The following ITPK1 variants were observed in gnomAD, a reference collection of about 807,000 sequenced individuals.
ITPK1 encodes inositol 1,3,4-trisphosphate 5/6-kinase.
A neutral mutation model predicts 45.3 loss-of-function variants in ITPK1; 21 were observed. The ratio of observed to expected loss-of-function variants is 0.46; its 90% CI spans 0.33 to 0.67. ITPK1 has a LOEUF of 0.67. Ranked by LOEUF, ITPK1 falls within the 30% of genes least tolerant of loss-of-function variation. The probability of loss-of-function intolerance (pLI) is 0.02; values close to 1 mark genes in which losing one functional copy is unlikely to be tolerated. For missense variants in ITPK1, 474 were observed against 573.5 expected, an observed-to-expected ratio of 0.83 and a Z score of 1.77; for synonymous variants, 258 against 253.6, an observed-to-expected ratio of 1.02 and a Z score of -0.16.
At chr14:93,045,459 G>A (rs553880645) in intron 3 of ITPK1, among the ~76,000 whole-genome samples, 5 of 152,312 alleles carry the variant, frequency 3.3e-5, no homozygotes, top group East Asian at 1.9e-4. Context: ...GAAGATTAGC[G>A]CAAAGTGGGT....
At chr14:92,982,975 C>T (rs936674372) in intron 5 of ITPK1, among the ~76,000 whole-genome samples, 2 of 152,218 alleles carry the variant, frequency 1.3e-5, no homozygotes, top group African/African-American at 4.8e-5. Context: ...GAAGAGAAGA[C>T]AACAAATGCC....
At chr14:92,944,637 G>A (rs1479267369) in intron 10 of ITPK1, among the ~76,000 whole-genome samples, 1 of 152,134 alleles carries the variant, frequency 6.6e-6, no homozygotes, top group African/African-American at 2.4e-5. Context: ...TGGCCCTCCA[G>A]CCACTGACGT....
At chr14:93,087,459 C>A (rs570661547) in intron 2 of ITPK1, among the ~76,000 whole-genome samples, 9 of 152,354 alleles carry the variant, frequency 5.9e-5, no homozygotes, top group African/African-American at 2.2e-4. Context: ...TGCTGCAGTG[C>A]GTTATGATCA....
In ITPK1 at chr14:93,091,496, T is replaced by C. The variant is rs554947496; in HGVS notation, c.96-14877A>G. 5.1e-4 allele frequency among the ~76,000 whole-genome samples: 77 copies of C among 152,356 alleles called. No homozygotes were observed. The Middle Eastern group carries it at 0.034, about 67-fold the overall frequency. On this transcript the variant is annotated intron_variant, in intron 2 of 10. Transcript: ENST00000267615. ...TCTTTTTAATCTTCAGGGCCTTTGA[T>C]ATTCAGACTCAAATGCCAAGAGCAA...
At position 92,942,274 on chromosome 14, in the gene ITPK1, G is replaced by C. The variant is rs556806574; in HGVS notation, c.902-370C>G. 2.6e-5 allele frequency among the ~76,000 whole-genome samples: 4 copies of C among 152,290 alleles called. No individual in the cohort carries two copies. The East Asian group carries it at 7.7e-4, about 29-fold the overall frequency. Reference sequence around the variant, plus strand: ...TGTGCAGGGGATGTTGGCGTGGCTGGAGGTAGCAGCACCAAAGCCAGCTCC... The same window carrying C: ...TGTGCAGGGGATGTTGGCGTGGCTGCAGGTAGCAGCACCAAAGCCAGCTCC... On this transcript the variant is annotated intron_variant, in intron 10 of 10. Transcript: ENST00000267615.
chr14:92,961,629 C>G (rs929218870), intron 7 of ITPK1, among the ~76,000 whole-genome samples: 2 of 152,206 alleles, frequency 1.3e-5, no homozygotes, highest in African/African-American at 4.8e-5. Flanking sequence ...TGCCACAAAA[C>G]AGGCCCTCGA....
chr14:92,978,726 G>A (rs1442037155), intron 5 of ITPK1, among the ~76,000 whole-genome samples: 2 of 149,714 alleles, frequency 1.3e-5, no homozygotes, highest in African/African-American at 5.1e-5. Flanking sequence ...GGGCCTGCAG[G>A]TGTGCTGAAG....
rs1266519504 is a variant in ITPK1 at position 93,014,687 on chromosome 14, G to C, written c.246+1989C>G. On this transcript the variant is annotated intron_variant, in intron 4 of 10. Coordinates refer to ENST00000267615, the MANE Select transcript of ITPK1 (RefSeq NM_014216.6). This position sits in a 1 kb window ranked among gnomAD's most constrained non-coding sequence, Gnocchi z 4.4. ...GGAGAGGCCACACGACAGGTGAGGAGAGCAAGCTAGCGCAGGCTCAAATCC... is the reference window on the plus strand; with the variant it reads ...GGAGAGGCCACACGACAGGTGAGGACAGCAAGCTAGCGCAGGCTCAAATCC... 5.9e-5 allele frequency among the ~76,000 whole-genome samples: 9 copies of C among 152,252 alleles called. No homozygotes were observed. Among genetic ancestry groups the C allele is most frequent in the Non-Finnish European group, 1.3e-4 (9 of 68,048 alleles).
intron 4 of ITPK1, among the ~76,000 whole-genome samples, chr14:93,007,334 G>A (rs1045286407): frequency 6.6e-6 from 1 of 152,150 alleles, no homozygotes; most frequent in African/African-American, 2.4e-5. Context: ...TGACATGCCT[G>A]CTGGAGCCCC....
At chr14:93,111,292 G>A (rs1892743803) in intron 2 of ITPK1, among the ~76,000 whole-genome samples, 1 of 152,088 alleles carries the variant, frequency 6.6e-6, no homozygotes, top group Non-Finnish European at 1.5e-5. Flanking sequence ...GAGGAAACTG[G>A]GGCCAGCCAG....
At chr14:93,050,058 G>A (rs1299519815) in intron 3 of ITPK1, among the ~76,000 whole-genome samples, 1 of 152,188 alleles carries the variant, frequency 6.6e-6, no homozygotes, top group Non-Finnish European at 1.5e-5. Context: ...CCCTTTCGAG[G>A]AATGGCCTTC....
At chr14:92,969,286 C>T (rs1166951661) in intron 5 of ITPK1, among the ~76,000 whole-genome samples, 1 of 151,766 alleles carries the variant, frequency 6.6e-6, no homozygotes, top group Non-Finnish European at 1.5e-5. Context: ...AAATGTATAG[C>T]TGGCCGGAGC....
At chr14:92,993,754 A>C (rs1019925417) in intron 5 of ITPK1, 126 bp downstream of exon 5, 2 of 665,102 alleles carry the variant, frequency 3.0e-6, no homozygotes, top group Non-Finnish European at 5.5e-6. Context: ...CATGGAATTC[A>C]AATGCTTCCT....
chr14:93,081,584 A>C, intron 2 of ITPK1, among the ~76,000 whole-genome samples: 1 of 152,332 alleles, frequency 6.6e-6, no homozygotes, highest in East Asian at 1.9e-4. Flanking sequence ...ATACTCACAA[A>C]ATGATTCGAT....
chr14:93,052,396 G>A (rs775480523), intron 3 of ITPK1, among the ~76,000 whole-genome samples: 8 of 152,164 alleles, frequency 5.3e-5, no homozygotes, highest in Non-Finnish European at 8.8e-5. Context: ...CAGGCATCTA[G>A]GGCGGCCTGT....
chr14:93,031,419 C>G (rs1384088160), intron 3 of ITPK1, among the ~76,000 whole-genome samples: 1 of 152,228 alleles, frequency 6.6e-6, no homozygotes, highest in African/African-American at 2.4e-5. Flanking sequence ...GTGTCAGCAC[C>G]TTGCCTGGTA....
rs1239685623 is a variant in ITPK1 at position 93,032,901 on chromosome 14, C to G, written c.121-16100G>C. Among the ~76,000 whole-genome samples, 1 of 152,206 alleles carries G rather than the reference C, an allele frequency of 6.6e-6. No individual in the cohort carries two copies. ...GATCGTGCACCCTGCAAAGCCAGCC[C>G]TTTTCTCTAGGGGGTGAGCCCTTTA... On this transcript the variant is annotated intron_variant, in intron 3 of 10. Coordinates refer to ENST00000267615, the MANE Select transcript of ITPK1 (RefSeq NM_014216.6). This position sits in a 1 kb window ranked among gnomAD's most constrained non-coding sequence, Gnocchi z 4.0.
chr14:93,069,598 C>A, intron 3 of ITPK1: 1 of 153,542 alleles, frequency 6.5e-6, no homozygotes, highest in Non-Finnish European at 1.5e-5. Context: ...TCCCCCACAG[C>A]TCAGACAGGC....
At chr14:93,105,753 G>C (rs1252361364) in intron 2 of ITPK1, among the ~76,000 whole-genome samples, 1 of 150,136 alleles carries the variant, frequency 6.7e-6, no homozygotes, top group African/African-American at 2.5e-5. Flanking sequence ...ACCCAGGCTG[G>C]AGTACAGTGG....
Sources: gnomAD v4.1 joint callset for allele counts (sites outside exome capture counted in the v4.1 genomes callset) on GRCh38, gnomAD v4.1.1 for gene constraint, Gnocchi (gnomAD v3.1) non-coding constraint, MANE v1.5 for transcripts, NCBI Gene and HGNC (gene_info 2026-07-23, HGNC 2026-07-21) for gene names.